OXR1: variants seen among roughly 807,000 people sequenced by gnomAD.
OXR1 encodes oxidation resistance 1.
A neutral mutation model predicts 104.6 loss-of-function variants in OXR1; 41 were observed. The ratio of observed to expected loss-of-function variants is 0.39; its 90% CI spans 0.31 to 0.51. OXR1 has a LOEUF of 0.51. Ranked by LOEUF, OXR1 falls within the 20% of genes least tolerant of loss-of-function variation. The pLI is 0.77. For missense variants in OXR1, 955 were observed against 1,031.9 expected (o/e 0.93, Z 1.02); for synonymous variants, 348 against 348.4 (o/e 1.00, Z 0.01).
At chr8:106,643,930 T>C (rs1014974513) in intron 3 of OXR1, among the ~76,000 whole-genome samples, 1 of 152,254 alleles carries the variant, frequency 6.6e-6, no homozygotes, top group Non-Finnish European at 1.5e-5. Context: ...ATGTATTCTT[T>C]GTAGCTCTTA....
chr8:106,506,529 T>C lies in OXR1; in HGVS notation c.24-12414T>C, dbSNP rs552344842. Reference sequence around the variant, plus strand: ...TCGGGAGGCTGAGGCAGGAGAATGTTGTGAACCCAGGAGGCGGAGCTTGCA... The same window carrying C: ...TCGGGAGGCTGAGGCAGGAGAATGTCGTGAACCCAGGAGGCGGAGCTTGCA... On this transcript the variant is annotated intron_variant, in intron 2 of 16. Transcript: ENST00000517566. Among the ~76,000 whole-genome samples the C allele has an allele frequency of 5.0e-3, 753 of 152,086 alleles. 6 individuals carry two copies. The highest frequency in any genetic ancestry group is 0.017 in the African/African-American group (722 of 41,458).
At chr8:106,448,455 T>C (rs1401486645) in intron 2 of OXR1, among the ~76,000 whole-genome samples, 1 of 151,970 alleles carries the variant, frequency 6.6e-6, no homozygotes, top group Admixed American at 6.5e-5. Context: ...TAATCATAAT[T>C]TGTATTCTCA....
At chr8:106,347,704 T>C (rs1186923146) in intron 1 of OXR1, among the ~76,000 whole-genome samples, 2 of 152,218 alleles carry the variant, frequency 1.3e-5, no homozygotes, top group African/African-American at 4.8e-5. Flanking sequence ...TTTTCTAAAA[T>C]ACCTATAAAT....
chr8:106,580,909 C>T (rs753979462), intron 3 of OXR1: 2 of 860,500 alleles, frequency 2.3e-6, no homozygotes, highest in Non-Finnish European at 2.8e-6. Context: ...AAATATTTTC[C>T]TGAACATTCC....
intron 3 of OXR1, among the ~76,000 whole-genome samples, chr8:106,626,745 C>T (rs1446775620): frequency 6.6e-6 from 1 of 151,182 alleles, no homozygotes; most frequent in Non-Finnish European, 1.5e-5. Flanking sequence ...TTACAAATCA[C>T]TATTACCAGA....
At chr8:106,474,806 T>C (rs1821714014) in intron 2 of OXR1, among the ~76,000 whole-genome samples, 1 of 152,006 alleles carries the variant, frequency 6.6e-6, no homozygotes, top group Non-Finnish European at 1.5e-5. Flanking sequence ...TTCTCTGTGC[T>C]TCAGTTTCTT....
chr8:106,683,880 C>T (rs1828431914), intron 5 of OXR1, among the ~76,000 whole-genome samples: 1 of 152,140 alleles, frequency 6.6e-6, no homozygotes, highest in Admixed American at 6.5e-5. Context: ...CATGCCTGTA[C>T]ACATCTGTTT....
At chr8:106,582,198 A>ATG (rs1253807356) in intron 3 of OXR1, among the ~76,000 whole-genome samples, 1 of 145,666 alleles carries the variant, frequency 6.9e-6, no homozygotes, top group Non-Finnish European at 1.5e-5. Flanking sequence ...ATATATATAT[A>ATG]TATATGAAGG....
Position 106,684,258 on chromosome 8 carries a change from C to T in OXR1, c.424C>T (p.Pro142Ser). 1.9e-6 allele frequency: 3 copies of T among 1,573,902 alleles called. No homozygotes were observed. Among genetic ancestry groups the T allele is most frequent in the Non-Finnish European group, 2.6e-6 (3 of 1,144,134 alleles). Residue 142 changes from proline (P) to serine (S), a missense_variant, in exon 6 of 17, where the codon CCT (proline) becomes TCT (serine). This residue lies in a region of OXR1 where 849 missense variants were observed against 852.9 expected (regional missense o/e 1.00). Transcript: ENST00000517566. ...AVVTGQVLYV[P>S]DPEYVSSVES... is the part of the protein sequence containing the mutation. ...TGTTTTCTTACAGGTTCTGTATGTT[C>T]CTGATCCTGAATATGTCTCCAGTGT... is the stretch of plus-strand genomic sequence containing the variant.
chr8:106,315,338 T>A (rs1200871705), intron 1 of OXR1, among the ~76,000 whole-genome samples: 1 of 152,172 alleles, frequency 6.6e-6, no homozygotes, highest in Non-Finnish European at 1.5e-5. Flanking sequence ...TCTTCCCGTT[T>A]TCTCTATTTC....
At chr8:106,389,087 T>C (rs1332927334) in intron 2 of OXR1, among the ~76,000 whole-genome samples, 1 of 152,206 alleles carries the variant, frequency 6.6e-6, no homozygotes, top group Non-Finnish European at 1.5e-5. Context: ...TTTAGTGAGA[T>C]AAATATCTTT....
chr8:106,510,437 T>C (rs1413574597), intron 2 of OXR1, among the ~76,000 whole-genome samples: 1 of 152,174 alleles, frequency 6.6e-6, no homozygotes, highest in African/African-American at 2.4e-5. Flanking sequence ...AATTGGAATA[T>C]AAACAAACCA....
chr8:106,727,492 C>G (rs1028652467), intron 11 of OXR1, among the ~76,000 whole-genome samples: 1 of 152,216 alleles, frequency 6.6e-6, no homozygotes, highest in African/African-American at 2.4e-5. Flanking sequence ...GATTTTGGCT[C>G]ACTTCAACCT....
At chr8:106,745,446 G>A (rs1383578512) in intron 15 of OXR1, among the ~76,000 whole-genome samples, 1 of 152,060 alleles carries the variant, frequency 6.6e-6, no homozygotes, top group African/African-American at 2.4e-5. Flanking sequence ...AATGGCATTT[G>A]TGTCCGATTT....
At chr8:106,570,234 T>C (rs1042582564) in intron 3 of OXR1, among the ~76,000 whole-genome samples, 10 of 152,222 alleles carry the variant, frequency 6.6e-5, no homozygotes, top group African/African-American at 2.4e-4. Flanking sequence ...TGTGATTTTC[T>C]TCCCCTTTGA....
At chr8:106,636,437 G>A (rs1226698955) in intron 3 of OXR1, among the ~76,000 whole-genome samples, 1 of 151,894 alleles carries the variant, frequency 6.6e-6, no homozygotes, top group Admixed American at 6.6e-5. Context: ...ATATTTTGTG[G>A]CTCCTTCCTA....
At chr8:106,500,039 C>A (rs1811681867) in intron 2 of OXR1, among the ~76,000 whole-genome samples, 1 of 152,190 alleles carries the variant, frequency 6.6e-6, no homozygotes, top group African/African-American at 2.4e-5. Context: ...TACTGTCTAG[C>A]TGCTGGCTGT....
At chr8:106,499,754 A>G (rs1811658553) in intron 2 of OXR1, among the ~76,000 whole-genome samples, 1 of 152,234 alleles carries the variant, frequency 6.6e-6, no homozygotes, top group Admixed American at 6.5e-5. Context: ...AAATATAACT[A>G]ATATGAGATA....
intron 1 of OXR1, among the ~76,000 whole-genome samples, chr8:106,330,441 TC>T (rs147989094): frequency 0.025 from 3,837 of 152,218 alleles, 56 homozygotes; most frequent in South Asian, 0.039. Flanking sequence ...TTCTATGCTG[TC>T]CCAGAGACTT....
Sources: gnomAD v4.1 joint callset for allele counts (sites outside exome capture counted in the v4.1 genomes callset) on GRCh38, gnomAD v4.1.1 for gene constraint, gnomAD v4.1.1 regional missense constraint, MANE v1.5 for transcripts, NCBI Gene and HGNC (gene_info 2026-07-23, HGNC 2026-07-21) for gene names.